Variants in DDN observed in about 807,000 individuals in gnomAD.
The protein encoded by DDN is dendrin.
Under a neutral mutation model 7.3 loss-of-function variants are expected in DDN, and 4 were observed. The ratio of observed to expected loss-of-function variants is 0.55; its 90% confidence interval spans 0.27 to 1.25. The LOEUF (loss-of-function observed/expected upper bound fraction) is 1.25. Ranked by LOEUF, DDN falls within the 50% of genes most tolerant of loss-of-function variation. The pLI, the probability that DDN is intolerant of heterozygous loss-of-function variation, is 0.12. For missense variants in DDN, 933 were observed against 974.7 expected, an observed-to-expected ratio of 0.96 and a Z score of 0.57; for synonymous variants, 425 against 424.3, an observed-to-expected ratio of 1.00 and a Z score of -0.02.
At position 48,999,322 on chromosome 12, in the gene DDN, ACCCGCCCCAGGAGCCCCCT is replaced by A. The variant is rs1241312406; in HGVS notation, c.-54_-36del. 1 of 1,160,864 alleles carries A rather than the reference ACCCGCCCCAGGAGCCCCCT, an allele frequency of 8.6e-7. No individual in the cohort carries two copies. Among genetic ancestry groups the A allele is most frequent in the Non-Finnish European group, 1.1e-6 (1 of 928,942 alleles). The allele number at this position is 1,160,864 out of a possible 1,614,324, so 71.9% of individuals were successfully genotyped here. A position where few individuals can be genotyped will look rare whatever the true frequency, so the allele number is the denominator to read the frequency against. ...CCCCACCCCGGCCCCCCACCCTCCC[ACCCGCCCCAGGAGCCCCCT>A]CCCAGCCCAGGGAGCCGGCGCCCAC... is the stretch of plus-strand genomic sequence containing the variant. On this transcript the variant is annotated 5_prime_UTR_variant, in exon 1 of 2. Coordinates refer to ENST00000421952, the MANE Select transcript of DDN (RefSeq NM_015086.2).
rs1325059501 is a variant in DDN at position 48,997,274 on chromosome 12, C to T, written c.1602G>A (p.Gly534=). The T allele has an allele frequency of 6.2e-7, 1 of 1,611,036 alleles. No homozygotes were observed. Among genetic ancestry groups the T allele is most frequent in the Non-Finnish European group, 8.5e-7 (1 of 1,179,126 alleles). The change falls in exon 2 of 2, where the codon GGG becomes GGA. Residue 534 remains glycine, a synonymous_variant. Coordinates refer to ENST00000421952, the MANE Select transcript of DDN (RefSeq NM_015086.2). ...GGGRGGEAEG[G]RPGDSTLEER... ...CCTCCAGTGTGGAGTCCCCCGGCCT[C>T]CCGCCCTCAGCTTCGCCCCCGCGGC...
Position 48,996,864 on chromosome 12 carries a change from C to T in DDN, c.2012G>A (p.Gly671Glu), listed in dbSNP as rs1419464223. The T allele has an allele frequency of 6.2e-7, 1 of 1,614,224 alleles. No individual in the cohort carries two copies. Among genetic ancestry groups the T allele is most frequent in the Non-Finnish European group, 8.5e-7 (1 of 1,180,034 alleles). Residue 671 changes from glycine to glutamate, a missense_variant, in exon 2 of 2, where the codon GGG becomes GAG. Coordinates refer to ENST00000421952, the MANE Select transcript of DDN (RefSeq NM_015086.2). Reference sequence around the variant, plus strand: ...ACTGTCGCTCAGTTCCGCTGTCTTCCCATCTTCCTCTGGCGAACTGTTTCC... The same window carrying T: ...ACTGTCGCTCAGTTCCGCTGTCTTCTCATCTTCCTCTGGCGAACTGTTTCC... ...EVGNSSPEED[G>E]KTAELSDSVG...
In DDN at chr12:48,997,054, C is replaced by T; in HGVS notation, c.1822G>A (p.Ala608Thr). ...RGWARTPGPY[A>T]GALREAVSRI... ...GACACGGCTTCTCGCAGGGCCCCGG[C>T]GTAGGGCCCTGGGGTCCGCGCCCAG... Residue 608 changes from alanine (A) to threonine (T), a missense_variant, in exon 2 of 2, where the codon GCC becomes ACC. Coordinates refer to ENST00000421952, the MANE Select transcript of DDN (RefSeq NM_015086.2). 6.5e-7 allele frequency: 1 copy of T among 1,547,660 alleles called. No homozygotes were observed. Among genetic ancestry groups the T allele is most frequent in the Non-Finnish European group, 8.7e-7 (1 of 1,152,100 alleles).
rs1347018002 is a variant in DDN, at chr12:48,998,498, C to T, written c.378G>A (p.Glu126=). The T allele has an allele frequency of 6.3e-7, 1 of 1,587,042 alleles. No homozygotes were observed. Among genetic ancestry groups the T allele is most frequent in the South Asian group, 1.1e-5 (1 of 89,406 alleles). ...ASQEREAKET[E]RKRRKAGGAR... is the part of the protein sequence containing the mutation. ...CCCCACCAGCCTTGCGCCTTTTTCG[C>T]TCGGTCTCCTTGGCCTCCCGCTCCT... is the stretch of plus-strand genomic sequence containing the variant. The change falls in exon 2 of 2, where the codon GAG becomes GAA. Residue 126 remains glutamate (E), a synonymous_variant. Coordinates refer to ENST00000421952, the MANE Select transcript of DDN (RefSeq NM_015086.2).
At position 48,997,533 on chromosome 12, in the gene DDN, C is replaced by A; in HGVS notation, c.1343G>T (p.Arg448Leu). ...TLPRSSQGLS[R>L]GEGVFVIDAT... ...GTCAATGACAAAGACGCCTTCCCCA[C>A]GGGACAGGCCCTGGGAACTGCGGGG... Residue 448 changes from arginine (R) to leucine (L), a missense_variant, in exon 2 of 2, where the codon CGT becomes CTT. Arg to Leu is a moderately radical substitution (Grantham distance 102). Coordinates refer to ENST00000421952, the MANE Select transcript of DDN (RefSeq NM_015086.2). 6.2e-7 allele frequency: 1 copy of A among 1,606,330 alleles called. No homozygotes were observed. The highest frequency in any genetic ancestry group is 8.5e-7 in the Non-Finnish European group (1 of 1,174,520).
At position 48,998,354 on chromosome 12, in the gene DDN, C is replaced by T. The variant is rs752871432; in HGVS notation, c.522G>A (p.Ala174=). 4.1e-5 allele frequency: 62 copies of T among 1,512,620 alleles called. 1 individual carries two copies. In the South Asian group the frequency reaches 7.0e-4, roughly 17 times the overall value. 93.7% of individuals were successfully genotyped at this position (1,512,620 alleles called of 1,614,324 possible). A position where few individuals can be genotyped will look rare whatever the true frequency, so the allele number is the denominator to read the frequency against. The stretch of plus-strand genomic sequence containing the variant: ...TCTGCGGCTGCGCGGATGGACGGGG[C>T]GCTCGCCCCACAGGCGCCAGGCGCT... The part of the protein sequence containing the change: ...RPERLAPVGR[A]PRPSAQPQSD... The change falls in exon 2 of 2, where the codon GCG becomes GCA. Residue 174 remains alanine, a synonymous_variant. Transcript: ENST00000421952.
At position 48,997,756 on chromosome 12, in the gene DDN, C is replaced by T; in HGVS notation, c.1120G>A (p.Gly374Arg). The change falls in exon 2 of 2, where the codon GGG becomes AGG. Residue 374 changes from glycine to arginine, a missense_variant. Coordinates refer to ENST00000421952, the MANE Select transcript of DDN (RefSeq NM_015086.2). Reference sequence around the variant, plus strand: ...AACCAGATCTGTTCTCCTTCTTTCCCTTCCCTCGAGCCCTTGAGGTGGTGC... The same window carrying T: ...AACCAGATCTGTTCTCCTTCTTTCCTTTCCCTCGAGCCCTTGAGGTGGTGC... ...SRHHLKGSRE[G>R]KEGEQIWFPK... The T allele has an allele frequency of 6.2e-7, 1 of 1,606,856 alleles. No homozygotes were observed. Among genetic ancestry groups the T allele is most frequent in the Non-Finnish European group, 8.5e-7 (1 of 1,175,440 alleles).
chr12:48,999,052 TC>T, intron 1 of DDN, 26 bp downstream of exon 1: 1 of 1,611,208 alleles, frequency 6.2e-7, no homozygotes, highest in Non-Finnish European at 8.5e-7. Flanking sequence ...CCCACCACTC[TC>T]TTCCCCTCAC....
Position 48,996,025 on chromosome 12 carries a change from A to G in DDN, c.*715T>C, listed in dbSNP as rs1334857263. ...TGGGTGACACGGAGGCCGCCCAGAA[A>G]CCCTCAAACTCTGTTCACTTATTCC... On this transcript the variant is annotated 3_prime_UTR_variant, in exon 2 of 2. Coordinates refer to ENST00000421952, the MANE Select transcript of DDN (RefSeq NM_015086.2). The G allele has an allele frequency of 6.6e-6, 1 of 152,212 alleles. No individual in the cohort carries two copies. The highest frequency in any genetic ancestry group is 1.5e-5 in the Non-Finnish European group (1 of 68,086). The allele number at this position is 152,212 out of a possible 1,614,324, so 9.4% of individuals were successfully genotyped here.
At position 48,998,101 on chromosome 12, in the gene DDN, C is replaced by T. The variant is rs1941240940; in HGVS notation, c.775G>A (p.Ala259Thr). 1.9e-6 allele frequency: 3 copies of T among 1,613,922 alleles called. No homozygotes were observed. Among genetic ancestry groups the T allele is most frequent in the Non-Finnish European group, 2.5e-6 (3 of 1,180,046 alleles). Residue 259 changes from alanine to threonine, a missense_variant, in exon 2 of 2, where the codon GCG (alanine) becomes ACG (threonine). By Grantham distance (58) the Ala-to-Thr change is moderately conservative (BLOSUM62 0). Transcript: ENST00000421952. Reference sequence around the variant, plus strand: ...CCTCCGTCTGTCCTGGCTGGAGTCGCAGCTGGGGCTGATGAAGTGGGCACC... The same window carrying T: ...CCTCCGTCTGTCCTGGCTGGAGTCGTAGCTGGGGCTGATGAAGTGGGCACC... The part of the protein sequence containing the change: ...SQVPTSSAPA[A>T]TPARTDGGRT...
At position 48,998,209 on chromosome 12, in the gene DDN, G is replaced by A. The variant is rs776365913; in HGVS notation, c.667C>T (p.Arg223Trp). ...GGTGGAGCCACGTAGGGTGGCGGCC[G>A]GTCCCAGCGGCGTCGTGGGGCGGTC... is the stretch of plus-strand genomic sequence containing the variant. ...AGTAPRRRWD[R>W]PPPYVAPPSY... The change falls in exon 2 of 2, where the codon CGG becomes TGG. Residue 223 changes from arginine to tryptophan, a missense_variant. Arg to Trp is a moderately radical substitution (Grantham distance 101). Coordinates refer to ENST00000421952, the MANE Select transcript of DDN (RefSeq NM_015086.2). 4.3e-6 allele frequency: 7 copies of A among 1,612,664 alleles called. No individual in the cohort carries two copies. Among genetic ancestry groups the A allele is most frequent in the East Asian group, 2.2e-5 (1 of 44,862 alleles).
chr12:48,996,538 A>G lies in DDN; in HGVS notation c.*202T>C. 1.2e-6 allele frequency: 1 copy of G among 869,500 alleles called. No individual in the cohort carries two copies. Among genetic ancestry groups the G allele is most frequent in the Non-Finnish European group, 1.7e-6 (1 of 590,778 alleles). The allele number at this position is 869,500 out of a possible 1,614,324, so 53.9% of individuals were successfully genotyped here. A position where few individuals can be genotyped will look rare whatever the true frequency, so the allele number is the denominator to read the frequency against. On this transcript the variant is annotated 3_prime_UTR_variant, in exon 2 of 2. Coordinates refer to ENST00000421952, the MANE Select transcript of DDN (RefSeq NM_015086.2). The stretch of plus-strand genomic sequence containing the variant: ...GCCCTGAACATAACAGACATTAATT[A>G]AATCTGCTCATTCTCACCTCTCCTG...
Position 48,999,272 on chromosome 12 carries a change from G to C in DDN, c.16C>G (p.Leu6Val). The part of the protein sequence containing the change: MLDGP[L>V]FSEGPDSPRE... ...GGGCTGTCAGGCCCCTCGGAGAACA[G>C]TGGGCCATCCAGCATCCTGCCCCAC... is the stretch of plus-strand genomic sequence containing the variant. The change falls in exon 1 of 2, where the codon CTG (leucine) becomes GTG (valine). Residue 6 changes from leucine (L) to valine (V), a missense_variant. By Grantham distance (32) the Leu-to-Val change is conservative. Coordinates refer to ENST00000421952, the MANE Select transcript of DDN (RefSeq NM_015086.2). 6.4e-7 allele frequency: 1 copy of C among 1,551,380 alleles called. No individual in the cohort carries two copies. Among genetic ancestry groups the C allele is most frequent in the Non-Finnish European group, 8.7e-7 (1 of 1,147,376 alleles).
Position 48,996,867 on chromosome 12 carries a change from T to C in DDN, c.2009A>G (p.Asp670Gly), listed in dbSNP as rs1941211806. ...PEVGNSSPEE[D>G]GKTAELSDSV... ...GTCGCTCAGTTCCGCTGTCTTCCCA[T>C]CTTCCTCTGGCGAACTGTTTCCAAC... The change falls in exon 2 of 2, where the codon GAT becomes GGT. Residue 670 changes from aspartate to glycine, a missense_variant. Coordinates refer to ENST00000421952, the MANE Select transcript of DDN (RefSeq NM_015086.2). The C allele has an allele frequency of 6.2e-7, 1 of 1,614,088 alleles. No individual in the cohort carries two copies. Among genetic ancestry groups the C allele is most frequent in the South Asian group, 1.1e-5 (1 of 91,092 alleles).
rs758615415 is a variant in DDN at position 48,998,442 on chromosome 12, G to A, written c.434C>T (p.Pro145Leu). ...CACCCGAGGGGCGTTGCGGGGCTCC[G>A]GGCGGGGTCGACCCGGGGGGCTCCG... ...ARRSPPGRPRPEPRNAPRVAQ... is the reference protein window; with the variant it reads ...ARRSPPGRPRLEPRNAPRVAQ... The change falls in exon 2 of 2, where the codon CCG becomes CTG. Residue 145 changes from proline (P) to leucine (L), a missense_variant. By Grantham distance (98) the Pro-to-Leu change is moderately conservative. Coordinates refer to ENST00000421952, the MANE Select transcript of DDN (RefSeq NM_015086.2). 3.3e-6 allele frequency: 5 copies of A among 1,531,296 alleles called. No homozygotes were observed. The highest frequency in any genetic ancestry group is 2.9e-5 in the African/African-American group (2 of 70,004). The allele number at this position is 1,531,296 out of a possible 1,614,324, so 94.9% of individuals were successfully genotyped here. A position where few individuals can be genotyped will look rare whatever the true frequency, so the allele number is the denominator to read the frequency against.
Position 48,998,512 on chromosome 12 carries a change from C to A in DDN, c.364G>T (p.Ala122Ser), listed in dbSNP as rs747900313. ...KRKAASQEREAKETERKRRKA... is the reference protein window; with the variant it reads ...KRKAASQERESKETERKRRKA... ...CGCCTTTTTCGCTCGGTCTCCTTGG[C>A]CTCCCGCTCCTGCGACGCCGCTTTC... Residue 122 changes from alanine to serine, a missense_variant, in exon 2 of 2, where the codon GCC (alanine) becomes TCC (serine). Transcript: ENST00000421952. 3.1e-6 allele frequency: 5 copies of A among 1,593,560 alleles called. No individual in the cohort carries two copies. The highest frequency in any genetic ancestry group is 4.2e-6 in the Non-Finnish European group (5 of 1,177,208).
rs778281411 is a variant in DDN, at chr12:48,998,304, C to A, written c.572G>T (p.Gly191Val). Reference sequence around the variant, plus strand: ...CCCGGGCCGCCGACCTCCCCAGGGCCCCGCCCACGCCGACCCTGGGTCGCT... The same window carrying A: ...CCCGGGCCGCCGACCTCCCCAGGGCACCGCCCACGCCGACCCTGGGTCGCT... ...PQSDPGSAWA[G>V]PWGGRRPGPP... Residue 191 changes from glycine (G) to valine (V), a missense_variant, in exon 2 of 2, where the codon GGG becomes GTG. Transcript: ENST00000421952. The A allele has an allele frequency of 1.3e-6, 2 of 1,585,192 alleles. No homozygotes were observed. Among genetic ancestry groups the A allele is most frequent in the East Asian group, 2.3e-5 (1 of 44,142 alleles).
chr12:48,997,316 T>A lies in DDN; in HGVS notation c.1560A>T (p.Leu520Phe), dbSNP rs1156672285. ...CCCCGCGGCCCCCGCCGGGCTGGTG[T>A]AAAAGGCGACTGCTCGACAGCCGCT... ...CQKRLSSSRL[L>F]HQPGGGRGGE... The change falls in exon 2 of 2, where the codon TTA (leucine) becomes TTT (phenylalanine). Residue 520 changes from leucine to phenylalanine, a missense_variant. Leu to Phe is a conservative substitution (Grantham distance 22, BLOSUM62 0). Transcript: ENST00000421952. 6.2e-7 allele frequency: 1 copy of A among 1,609,970 alleles called. No homozygotes were observed. Among genetic ancestry groups the A allele is most frequent in the Non-Finnish European group, 8.5e-7 (1 of 1,178,578 alleles).
At position 48,998,604 on chromosome 12, in the gene DDN, A is replaced by T. The variant is rs1176663216; in HGVS notation, c.272T>A (p.Leu91Gln). 6.3e-7 allele frequency: 1 copy of T among 1,581,300 alleles called. No individual in the cohort carries two copies. The highest frequency in any genetic ancestry group is 1.7e-5 in the Admixed American group (1 of 57,820). ...PPRRPWASRV[L>Q]QEATNWRAGP... ...CGCCCGCCAGTTGGTCGCCTCCTGC[A>T]GCACCCTGGAGGCCCAGGGCCGGCG... Residue 91 changes from leucine to glutamine, a missense_variant, in exon 2 of 2, where the codon CTG becomes CAG. Leu to Gln is a moderately radical substitution (Grantham distance 113). Coordinates refer to ENST00000421952, the MANE Select transcript of DDN (RefSeq NM_015086.2).
Sources: allele counts gnomAD v4.1 joint callset, GRCh38; gene constraint gnomAD v4.1.1; transcripts MANE v1.5; gene names NCBI Gene and HGNC (gene_info 2026-07-23, HGNC 2026-07-21).